Variants in GOLIM4 observed in about 807,000 individuals in gnomAD.
GOLIM4 encodes golgi integral membrane protein 4, also known as 130 kDa golgi-localized phosphoprotein.
In GOLIM4, 71 loss-of-function variants were observed where a neutral mutation model predicts 107.4. That is an observed-to-expected ratio of 0.66 (90% CI 0.55 to 0.81). The LOEUF is 0.81. Ranked by LOEUF, GOLIM4 falls within the 30% of genes least tolerant of loss-of-function variation. The pLI, the probability that GOLIM4 is intolerant of heterozygous loss-of-function variation, is 0.00. For missense variants in GOLIM4, 830 were observed against 826.1 expected (o/e 1.00, Z -0.06); for synonymous variants, 327 against 294.8 (o/e 1.11, Z -1.12).
intron 14 of GOLIM4, among the ~76,000 whole-genome samples, chr3:168,013,224 G>C (rs964098597): frequency 4.6e-5 from 7 of 151,260 alleles, no homozygotes; most frequent in African/African-American, 1.7e-4. Flanking sequence ...AACAAAAAAA[G>C]GCAGGGGTTG....
chr3:168,015,650 G>C (rs1288302642), intron 14 of GOLIM4, among the ~76,000 whole-genome samples: 1 of 136,320 alleles, frequency 7.3e-6, no homozygotes, highest in Non-Finnish European at 1.5e-5. Flanking sequence ...ATACTACAAG[G>C]CTACAGTAAC....
chr3:168,067,802 G>A (rs534877271), intron 1 of GOLIM4, among the ~76,000 whole-genome samples: 27 of 152,052 alleles, frequency 1.8e-4, no homozygotes, highest in African/African-American at 5.1e-4. Flanking sequence ...ACAGCCATTC[G>A]AAAAATAAAA....
chr3:168,015,745 C>G (rs1717327438), intron 14 of GOLIM4, among the ~76,000 whole-genome samples: 1 of 134,420 alleles, frequency 7.4e-6, no homozygotes, highest in Admixed American at 7.0e-5. Flanking sequence ...CGCATATCTA[C>G]AACTATCTGA....
intron 1 of GOLIM4, among the ~76,000 whole-genome samples, chr3:168,048,911 C>A (rs1261299601): frequency 6.6e-6 from 1 of 152,146 alleles, no homozygotes; most frequent in East Asian, 1.9e-4. Context: ...TGTATCTCCT[C>A]CCTCCTCCCA....
chr3:168,033,401 C>T (rs984685062), intron 8 of GOLIM4, among the ~76,000 whole-genome samples: 3 of 151,292 alleles, frequency 2.0e-5, no homozygotes, highest in Non-Finnish European at 4.4e-5. Flanking sequence ...GTCAGGAGAT[C>T]GAGACCATCC....
intron 7 of GOLIM4, among the ~76,000 whole-genome samples, chr3:168,039,383 C>A (rs1268530779): frequency 6.6e-6 from 1 of 151,736 alleles, no homozygotes; most frequent in African/African-American, 2.4e-5. Flanking sequence ...CCTGCCTCAG[C>A]CTCCTGGGTA....
chr3:168,063,854 G>A (rs1227460647), intron 1 of GOLIM4, among the ~76,000 whole-genome samples: 1 of 151,850 alleles, frequency 6.6e-6, no homozygotes, highest in African/African-American at 2.4e-5. Context: ...TGCACATCCT[G>A]CACATGTACC....
chr3:168,076,708 AT>A (rs1721101530), intron 1 of GOLIM4, among the ~76,000 whole-genome samples: 1 of 152,170 alleles, frequency 6.6e-6, no homozygotes, highest in Non-Finnish European at 1.5e-5. Context: ...CAATCAATCA[AT>A]CAATCAATAA....
At chr3:168,026,510 C>T (rs1718003287) in intron 12 of GOLIM4, among the ~76,000 whole-genome samples, 1 of 152,146 alleles carries the variant, frequency 6.6e-6, no homozygotes, top group Non-Finnish European at 1.5e-5. Context: ...GCCAATGTTT[C>T]CCAGCATGTT....
Position 168,043,421 on chromosome 3 carries a change from G to T in GOLIM4, c.475C>A (p.Gln159Lys). ...TFNDHKQKYL[Q>K]LQQEKEQELS... ...TCTTGTTCTTTTTCTTGCTGGAGCT[G>T]CAAGTATTTTTGCTTATGGTCATTA... Residue 159 changes from glutamine to lysine, a missense_variant, in exon 5 of 16, where the codon CAG becomes AAG. By Grantham distance (53) the Gln-to-Lys change is moderately conservative. Transcript: ENST00000470487. The T allele has an allele frequency of 6.2e-7, 1 of 1,610,166 alleles. No individual in the cohort carries two copies. Among genetic ancestry groups the T allele is most frequent in the Non-Finnish European group, 8.5e-7 (1 of 1,178,476 alleles).
At position 168,010,827 on chromosome 3, in the gene GOLIM4, A is replaced by C; in HGVS notation, c.1861-4T>G. ...CTTCAGTCAAATCTTCCTGAACCTA[A>C]AACAAACCACAGATATCATTTAAAC... On this transcript the variant is annotated splice_region_variant and splice_polypyrimidine_tract_variant and intron_variant, in intron 14 of 15. Coordinates refer to ENST00000470487, the MANE Select transcript of GOLIM4 (RefSeq NM_014498.5). 4 of 1,596,770 alleles carry C rather than the reference A, an allele frequency of 2.5e-6. No homozygotes were observed. The highest frequency in any genetic ancestry group is 3.4e-6 in the Non-Finnish European group (4 of 1,165,426).
At chr3:168,060,835 T>G (rs2108267567) in intron 1 of GOLIM4, among the ~76,000 whole-genome samples, 1 of 152,218 alleles carries the variant, frequency 6.6e-6, no homozygotes, top group East Asian at 1.9e-4. Context: ...GTCAATACTA[T>G]GTTTAGCATA....
chr3:168,074,006 T>C (rs1720954223), intron 1 of GOLIM4, among the ~76,000 whole-genome samples: 1 of 152,136 alleles, frequency 6.6e-6, no homozygotes, highest in Non-Finnish European at 1.5e-5. Flanking sequence ...TATAAAAAAG[T>C]CTGTGGCTTC....
At position 168,056,706 on chromosome 3, in the gene GOLIM4, C is replaced by T. The variant is rs141924335; in HGVS notation, c.188-8341G>A. On this transcript the variant is annotated intron_variant, in intron 1 of 15. Coordinates refer to ENST00000470487, the MANE Select transcript of GOLIM4 (RefSeq NM_014498.5). ...ACTGTCCTGCTGGATTTTGGTCTTGCGTGGGGCCCCCAGCCCTTGTGTTTT... is the reference window on the plus strand; with the variant it reads ...ACTGTCCTGCTGGATTTTGGTCTTGTGTGGGGCCCCCAGCCCTTGTGTTTT... 2.6e-4 allele frequency among the ~76,000 whole-genome samples: 39 copies of T among 152,296 alleles called. No homozygotes were observed. The East Asian group carries it at 6.0e-3, about 23-fold the overall frequency.
chr3:168,055,816 A>AAT (rs1719927972), intron 1 of GOLIM4, among the ~76,000 whole-genome samples: 1 of 151,642 alleles, frequency 6.6e-6, no homozygotes, highest in Non-Finnish European at 1.5e-5. Flanking sequence ...AAAAAAAAAA[A>AAT]AGAGGTGACT....
intron 1 of GOLIM4, among the ~76,000 whole-genome samples, chr3:168,062,593 C>T (rs554556070): frequency 1.2e-4 from 19 of 152,232 alleles, no homozygotes; most frequent in African/African-American, 4.6e-4. Context: ...ATGTGTCTTC[C>T]TCACAAATGC....
rs778260983 is a variant in GOLIM4, at chr3:168,044,881, G to C, written c.313C>G (p.Gln105Glu). Residue 105 changes from glutamine to glutamate, a missense_variant and splice_region_variant, in exon 4 of 16, where the codon CAA becomes GAA. Transcript: ENST00000470487. ...GCACTGTATCTGCTATTGGAATCTT[G>C]CTGTAAATCAAAAAAAAAAAAGAAA... ...EAQETLNKGR[Q>E]DSNSRYSALN... 1 of 1,519,248 alleles carries C rather than the reference G, an allele frequency of 6.6e-7. No individual in the cohort carries two copies. The highest frequency in any genetic ancestry group is 2.1e-5 in the Admixed American group (1 of 47,566). 94.1% of individuals were successfully genotyped at this position (1,519,248 alleles called of 1,614,324 possible). A position where few individuals can be genotyped will look rare whatever the true frequency, so the allele number is the denominator to read the frequency against.
intron 3 of GOLIM4, among the ~76,000 whole-genome samples, chr3:168,046,039 G>A (rs1719285067): frequency 1.3e-5 from 2 of 152,002 alleles, no homozygotes; most frequent in African/African-American, 2.4e-5. Flanking sequence ...GTACCATCAC[G>A]CCCAGCTAAT....
At chr3:168,019,352 T>C (rs1160888235) in intron 14 of GOLIM4, among the ~76,000 whole-genome samples, 1 of 152,196 alleles carries the variant, frequency 6.6e-6, no homozygotes, top group Non-Finnish European at 1.5e-5. Flanking sequence ...AGATATGTAA[T>C]TTTACCTTCA....
Sources: gnomAD v4.1 joint callset for allele counts (sites outside exome capture counted in the v4.1 genomes callset) on GRCh38, gnomAD v4.1.1 for gene constraint, MANE v1.5 for transcripts, NCBI Gene and HGNC (gene_info 2026-07-23, HGNC 2026-07-21) for gene names.